ZDHHC2: variants seen among roughly 807,000 people sequenced by gnomAD.
The protein encoded by ZDHHC2 is zDHHC palmitoyltransferase 2.
In ZDHHC2, 51 loss-of-function variants were observed where a neutral mutation model predicts 55.6. That is an observed-to-expected ratio of 0.92 (90% CI 0.73 to 1.16). ZDHHC2 has a LOEUF of 1.16. Ranked by LOEUF, ZDHHC2 falls within the 50% of genes most tolerant of loss-of-function variation. ZDHHC2 has a pLI of 0.00. For missense variants in ZDHHC2, 491 were observed against 442.4 expected, an observed-to-expected ratio of 1.11 and a Z score of -0.99; for synonymous variants, 199 against 152.9, an observed-to-expected ratio of 1.30 and a Z score of -2.22.
At chr8:17,167,649 TC>T (rs756057327) in intron 1 of ZDHHC2, among the ~76,000 whole-genome samples, 2 of 152,174 alleles carry the variant, frequency 1.3e-5, no homozygotes, top group Non-Finnish European at 2.9e-5. Context: ...AACCTTTTTT[TC>T]TTTCTGGACA....
intron 1 of ZDHHC2, among the ~76,000 whole-genome samples, chr8:17,170,389 T>G (rs1804800935): frequency 6.6e-6 from 1 of 152,250 alleles, no homozygotes; most frequent in African/African-American, 2.4e-5. Flanking sequence ...CACTGTAAAT[T>G]TTATTCCAAT....
chr8:17,203,584 C>T (rs1008791727), intron 6 of ZDHHC2, among the ~76,000 whole-genome samples: 9 of 152,032 alleles, frequency 5.9e-5, no homozygotes, highest in African/African-American at 2.2e-4. Flanking sequence ...CATTCTTTCC[C>T]CTTGAAACCA....
In ZDHHC2 at chr8:17,210,044, A is replaced by G; in HGVS notation, c.843A>G (p.Leu281=). The change falls in exon 9 of 13, where the codon CTA becomes CTG. Residue 281 remains leucine, a synonymous_variant. Transcript: ENST00000262096. ...GTGATGAGAAGAAGTACTGGTTGCT[A>G]CCCATTTTTTCAAGGTACTTCTTTG... ...VFGDEKKYWL[L]PIFSSLGDGC... 6.2e-7 allele frequency: 1 copy of G among 1,601,786 alleles called. No individual in the cohort carries two copies. Among genetic ancestry groups the G allele is most frequent in the Non-Finnish European group, 8.5e-7 (1 of 1,173,540 alleles).
At chr8:17,157,850 T>C (rs1804141575) in intron 1 of ZDHHC2, among the ~76,000 whole-genome samples, 1 of 152,190 alleles carries the variant, frequency 6.6e-6, no homozygotes, top group Admixed American at 6.5e-5. Flanking sequence ...AGGGAAAAGA[T>C]GAAATAGTGG....
At chr8:17,201,227 C>T (rs190078508) in intron 6 of ZDHHC2, among the ~76,000 whole-genome samples, 21 of 152,212 alleles carry the variant, frequency 1.4e-4, no homozygotes, top group East Asian at 1.9e-4. Context: ...CTTTTCAGAT[C>T]TCAATGTATG....
rs528887887 is a variant in ZDHHC2, at chr8:17,203,945, C to G, written c.477-1710C>G. On this transcript the variant is annotated intron_variant, in intron 6 of 12. Transcript: ENST00000262096. ...GCCTCGGCCTCCCGAGTATCTGGGACTACAGGCGTGTACTACCACGCCCAG... is the reference window on the plus strand; with the variant it reads ...GCCTCGGCCTCCCGAGTATCTGGGAGTACAGGCGTGTACTACCACGCCCAG... Among the ~76,000 whole-genome samples, 4 of 151,904 alleles carry G rather than the reference C, an allele frequency of 2.6e-5. No homozygotes were observed. In the East Asian group the frequency reaches 7.8e-4, roughly 30 times the overall value.
intron 1 of ZDHHC2, among the ~76,000 whole-genome samples, chr8:17,159,886 CCT>C (rs1410720789): frequency 6.6e-6 from 1 of 152,148 alleles, no homozygotes; most frequent in African/African-American, 2.4e-5. Context: ...TTCCCTCTCC[CCT>C]GTCCCTCCTG....
chr8:17,169,322 C>T (rs1231467794), intron 1 of ZDHHC2, among the ~76,000 whole-genome samples: 2 of 151,652 alleles, frequency 1.3e-5, no homozygotes, highest in South Asian at 2.1e-4. Flanking sequence ...CCCATGTTGC[C>T]CATATGGTGG....
At chr8:17,195,718 A>G in intron 4 of ZDHHC2, 94 bp downstream of exon 4, 11 of 1,487,298 alleles carry the variant, frequency 7.4e-6, no homozygotes, top group Non-Finnish European at 1.0e-5. Flanking sequence ...AAATGGTAAA[A>G]CACTCATTTC....
chr8:17,196,152 A>G (rs1418526788), intron 4 of ZDHHC2, among the ~76,000 whole-genome samples: 1 of 152,144 alleles, frequency 6.6e-6, no homozygotes, highest in African/African-American at 2.4e-5. Flanking sequence ...ACATATTTTA[A>G]GGTAATTTGA....
At chr8:17,182,865 G>A (rs1008923548) in intron 1 of ZDHHC2, among the ~76,000 whole-genome samples, 1 of 152,088 alleles carries the variant, frequency 6.6e-6, no homozygotes, top group African/African-American at 2.4e-5. Flanking sequence ...GGGTTCAAGC[G>A]ATTCTCCTGC....
chr8:17,180,140 T>C (rs1390390585), intron 1 of ZDHHC2, among the ~76,000 whole-genome samples: 2 of 152,104 alleles, frequency 1.3e-5, no homozygotes, highest in Non-Finnish European at 2.9e-5. Flanking sequence ...TTCTTTGGGG[T>C]GATTATAAGA....
intron 1 of ZDHHC2, among the ~76,000 whole-genome samples, chr8:17,181,562 T>G (rs961231596): frequency 6.6e-6 from 1 of 152,192 alleles, no homozygotes; most frequent in African/African-American, 2.4e-5. Flanking sequence ...ATACAACACT[T>G]GAAATTTCTC....
chr8:17,181,578 TA>T (rs1805435074), intron 1 of ZDHHC2, among the ~76,000 whole-genome samples: 1 of 152,150 alleles, frequency 6.6e-6, no homozygotes, highest in Admixed American at 6.5e-5. Flanking sequence ...TTCTCTATGG[TA>T]AAAATTGAAG....
chr8:17,178,089 C>T (rs1309528031), intron 1 of ZDHHC2, among the ~76,000 whole-genome samples: 1 of 152,070 alleles, frequency 6.6e-6, no homozygotes, highest in African/African-American at 2.4e-5. Flanking sequence ...GGTGTAGTAG[C>T]ACACAAGTAG....
intron 1 of ZDHHC2, among the ~76,000 whole-genome samples, chr8:17,163,147 G>T (rs538445933): frequency 1.3e-5 from 2 of 152,216 alleles, no homozygotes; most frequent in Non-Finnish European, 2.9e-5. Flanking sequence ...CTTAGAAATG[G>T]ACAGAAACGA....
At chr8:17,207,849 AAATTT>A in intron 7 of ZDHHC2, 106 bp from the exon 8 acceptor site, 1 of 911,612 alleles carries the variant, frequency 1.1e-6, no homozygotes, top group Non-Finnish European at 1.4e-6. Flanking sequence ...TTTTTATATT[AAATTT>A]AAGAAAAATT....
At chr8:17,207,574 T>A (rs1036554430) in intron 7 of ZDHHC2, among the ~76,000 whole-genome samples, 1 of 152,016 alleles carries the variant, frequency 6.6e-6, no homozygotes, top group Admixed American at 6.6e-5. Context: ...ATAATGAAAC[T>A]ATTTAAACGT....
In ZDHHC2 at chr8:17,193,450, T is replaced by C. The variant is rs111597151; in HGVS notation, c.253-2054T>C. 4.4e-3 allele frequency among the ~76,000 whole-genome samples: 663 copies of C among 152,364 alleles called. 3 individuals carry two copies. Among genetic ancestry groups the C allele is most frequent in the Non-Finnish European group, 6.2e-3 (424 of 68,036 alleles). ...GTGGAGGGGTGACATGGCACCTCTG[T>C]GGCCAACACCACTGGGACTGTGCTC... is the stretch of plus-strand genomic sequence containing the variant. On this transcript the variant is annotated intron_variant, in intron 3 of 12. Coordinates refer to ENST00000262096, the MANE Select transcript of ZDHHC2 (RefSeq NM_016353.5).
Sources: gnomAD v4.1 joint callset for allele counts (sites outside exome capture counted in the v4.1 genomes callset) on GRCh38, gnomAD v4.1.1 for gene constraint, MANE v1.5 for transcripts, NCBI Gene and HGNC (gene_info 2026-07-23, HGNC 2026-07-21) for gene names.